Variants in SH2D1A observed in about 807,000 individuals in gnomAD.
The protein encoded by SH2D1A is SH2 domain containing 1A.
In SH2D1A, 6 loss-of-function variants were observed where a neutral mutation model predicts 10.1. That is an observed-to-expected ratio of 0.60 (90% CI 0.33 to 1.18). The LOEUF (loss-of-function observed/expected upper bound fraction) is 1.18, where lower values mean the gene tolerates loss of function less well. SH2D1A is among the 50% of genes most tolerant of loss of function. SH2D1A has a pLI of 0.04. For missense variants in SH2D1A, 51 were observed against 97.6 expected (o/e 0.52, Z 2.01); for synonymous variants, 42 against 36.9 (o/e 1.14, Z -0.51).
chrX:124,361,558 A>AC (rs1417933823), intron 1 of SH2D1A, among the ~76,000 whole-genome samples: 1 of 111,916 alleles, frequency 8.9e-6, no homozygotes. Context: ...AAAAAAGCAT[A>AC]GACGGCTGTG....
Position 124,370,308 on chromosome X carries a change from C to T in SH2D1A, c.334C>T (p.Gln112Ter). ...GAAGAAGTCCTCAGCTAGAAGTACA[C>T]AAGGTACTACAGGTATGATTTCCTC... ...VEKKSSARSTQGTTGIREDPD... is the reference protein window; with the variant it reads ...VEKKSSARST The change falls in exon 3 of 4, where the codon CAA becomes TAA. Residue 112 changes from glutamine to a stop codon, truncating the protein, a stop_gained. Transcript: ENST00000371139. LOFTEE classifies it high-confidence loss of function. The T allele has an allele frequency of 8.3e-7, 1 of 1,203,027 alleles. No homozygotes were observed. Among genetic ancestry groups the T allele is most frequent in the Non-Finnish European group, 1.1e-6 (1 of 887,831 alleles).
intron 1 of SH2D1A, 36 bp downstream of exon 1, chrX:124,346,815 G>A (rs897863633): frequency 8.3e-7 from 1 of 1,205,891 alleles, no homozygotes; most frequent in Non-Finnish European, 1.1e-6. Flanking sequence ...CCTGCTGAGG[G>A]TGTGGGCGGT....
rs1002815191 is a variant in SH2D1A at position 124,349,107 on chromosome X, A to G, written c.137+2328A>G. ...TTTCGCCCAAAGTGAATCTTGCATAAATGCAGTTTTTATGACTCTTAGTTC... is the reference window on the plus strand; with the variant it reads ...TTTCGCCCAAAGTGAATCTTGCATAGATGCAGTTTTTATGACTCTTAGTTC... On this transcript the variant is annotated intron_variant, in intron 1 of 3. Coordinates refer to ENST00000371139, the MANE Select transcript of SH2D1A (RefSeq NM_002351.5). 2.0e-4 allele frequency among the ~76,000 whole-genome samples: 23 copies of G among 112,373 alleles called. No individual in the cohort carries two copies. The Admixed American group carries it at 2.2e-3, about 11-fold the overall frequency.
intron 1 of SH2D1A, among the ~76,000 whole-genome samples, chrX:124,353,867 A>G (rs932639939): frequency 1.8e-5 from 2 of 111,850 alleles, no homozygotes; most frequent in Non-Finnish European, 3.8e-5. Context: ...TTAAGTTTTA[A>G]AGGGACAACT....
chrX:124,354,111 T>C (rs2060021283), intron 1 of SH2D1A, among the ~76,000 whole-genome samples: 1 of 112,203 alleles, frequency 8.9e-6, no homozygotes, highest in Non-Finnish European at 1.9e-5. Flanking sequence ...ACCAACATTA[T>C]TTTCAATTTC....
intron 1 of SH2D1A, among the ~76,000 whole-genome samples, chrX:124,355,218 G>A (rs2060023430): frequency 8.9e-6 from 1 of 111,805 alleles, no homozygotes; most frequent in African/African-American, 3.3e-5. Context: ...AATTGATGTG[G>A]ATTTGTCAGT....
At chrX:124,366,454 A>G (rs1268724576) in intron 2 of SH2D1A, among the ~76,000 whole-genome samples, 1 of 111,309 alleles carries the variant, frequency 9.0e-6, no homozygotes, top group Non-Finnish European at 1.9e-5. Context: ...AACACACATA[A>G]AGAAGCTGTT....
chrX:124,351,815 C>G (rs2060015840), intron 1 of SH2D1A, among the ~76,000 whole-genome samples: 1 of 110,713 alleles, frequency 9.0e-6, no homozygotes, highest in Admixed American at 9.7e-5. Flanking sequence ...TATATGTGCA[C>G]TAATCCTTGA....
rs1392555547 is a variant in SH2D1A at position 124,370,086 on chromosome X, T to C, written c.202-90T>C. 4 of 649,427 alleles carry C rather than the reference T, an allele frequency of 6.2e-6. No individual in the cohort carries two copies. In the African/African-American group the frequency reaches 8.7e-5, roughly 14 times the overall value. The allele number at this position is 649,427 out of a possible 1,213,427, so 53.5% of individuals were successfully genotyped here. On this transcript the variant is annotated intron_variant, in intron 2 of 3. Coordinates refer to ENST00000371139, the MANE Select transcript of SH2D1A (RefSeq NM_002351.5). ...ATATTTCAACAAGTTACACAAATGT[T>C]ACTTCTCTTAGCATCCCTAGCACAT...
chrX:124,372,695 A>G lies in SH2D1A; in HGVS notation c.*1304A>G, dbSNP rs2060072638. ...AAAGGCTAAGCTTCACTGTAAAATA[A>G]TAACTGGGAATTCTGGATTGTGTAT... On this transcript the variant is annotated 3_prime_UTR_variant, in exon 4 of 4. Coordinates refer to ENST00000371139, the MANE Select transcript of SH2D1A (RefSeq NM_002351.5). 6.0e-6 allele frequency: 1 copy of G among 167,764 alleles called. No individual in the cohort carries two copies. The highest frequency in any genetic ancestry group is 1.1e-5 in the Non-Finnish European group (1 of 87,460). 13.8% of individuals were successfully genotyped at this position (167,764 alleles called of 1,213,427 possible).
At chrX:124,364,129 A>C (rs957646104) in intron 1 of SH2D1A, among the ~76,000 whole-genome samples, 1 of 110,190 alleles carries the variant, frequency 9.1e-6, no homozygotes, top group South Asian at 4.0e-4. Context: ...TCCAGAAGGC[A>C]TTCTGGAATA....
chrX:124,361,285 A>G (rs2060039716), intron 1 of SH2D1A, among the ~76,000 whole-genome samples: 1 of 111,855 alleles, frequency 8.9e-6, no homozygotes, highest in African/African-American at 3.3e-5. Context: ...GCTGTCTACA[A>G]GCCAAGAGAA....
At chrX:124,371,238 G>T in intron 3 of SH2D1A, 113 bp from the exon 4 acceptor site, 2 of 514,054 alleles carry the variant, frequency 3.9e-6, no homozygotes, top group South Asian at 6.3e-5. Flanking sequence ...GTATATTACT[G>T]TGTTGTGTCA....
intron 3 of SH2D1A, among the ~76,000 whole-genome samples, chrX:124,371,068 A>G (rs962922092): frequency 2.7e-5 from 3 of 111,919 alleles, no homozygotes; most frequent in African/African-American, 6.5e-5. Context: ...AGGCTCAGGC[A>G]TAAACTGACA....
In SH2D1A at chrX:124,357,828, TA is replaced by T. The variant is rs1331725979; in HGVS notation, c.138-7932del. Among the ~76,000 whole-genome samples, 9 of 110,414 alleles carry T rather than the reference TA, an allele frequency of 8.2e-5. No homozygotes were observed. In the East Asian group the frequency reaches 8.4e-4, roughly 10 times the overall value. On this transcript the variant is annotated intron_variant, in intron 1 of 3. Coordinates refer to ENST00000371139, the MANE Select transcript of SH2D1A (RefSeq NM_002351.5). ...TCCTTTGCCCATTTTTATTTTATTT[TA>T]TTTTTTTTGCAATGGTGTCTCGGTC... is the stretch of plus-strand genomic sequence containing the variant.
intron 1 of SH2D1A, among the ~76,000 whole-genome samples, chrX:124,365,358 A>C (rs111910420): frequency 7.2e-5 from 8 of 110,439 alleles, no homozygotes; most frequent in African/African-American, 2.6e-4. Flanking sequence ...CTGATAGTGT[A>C]TTATCCCAGT....
chrX:124,365,903 TTATACATTA>T, intron 2 of SH2D1A, 79 bp downstream of exon 2: 2 of 604,032 alleles, frequency 3.3e-6, no homozygotes, highest in Non-Finnish European at 5.8e-6. Context: ...AAAGAGCAAA[TTATACATTA>T]TTAAGTATTC....
At chrX:124,356,851 T>C (rs2060027728) in intron 1 of SH2D1A, among the ~76,000 whole-genome samples, 1 of 112,280 alleles carries the variant, frequency 8.9e-6, no homozygotes, top group African/African-American at 3.2e-5. Flanking sequence ...CCCTAATTTA[T>C]ATATTTATTT....
chrX:124,361,659 AAGG>A (rs1225356490), intron 1 of SH2D1A, among the ~76,000 whole-genome samples: 1 of 111,907 alleles, frequency 8.9e-6, no homozygotes, highest in African/African-American at 3.2e-5. Flanking sequence ...AAATGGGAGA[AAGG>A]TGTTCCTTGT....
Sources: allele counts gnomAD v4.1 joint callset (sites outside exome capture counted in the v4.1 genomes callset), GRCh38; gene constraint gnomAD v4.1.1; transcripts MANE v1.5; gene names NCBI Gene and HGNC (gene_info 2026-07-23, HGNC 2026-07-21).